CDH12: variants seen among roughly 807,000 people sequenced by gnomAD.
CDH12 encodes the protein cadherin 12, also known as cadherin-12.
In CDH12, 41 loss-of-function variants were observed where a neutral mutation model predicts 74.1. That is an observed-to-expected ratio of 0.55 (90% CI 0.43 to 0.72). CDH12 has a LOEUF of 0.72. Ranked by LOEUF, CDH12 falls within the 30% of genes least tolerant of loss-of-function variation. The pLI, the probability that CDH12 is intolerant of heterozygous loss-of-function variation, is 0.00. For missense variants in CDH12, 945 were observed against 977.2 expected, an observed-to-expected ratio of 0.97 and a Z score of 0.44; for synonymous variants, 399 against 355.0, an observed-to-expected ratio of 1.12 and a Z score of -1.39.
intron 1 of CDH12, among the ~76,000 whole-genome samples, chr5:22,749,458 T>C (rs1745452366): frequency 6.6e-6 from 1 of 152,218 alleles, no homozygotes; most frequent in Non-Finnish European, 1.5e-5. Context: ...AAGTGAATGA[T>C]TTTCATGGAC....
At chr5:22,645,389 T>G (rs1739384985) in intron 1 of CDH12, among the ~76,000 whole-genome samples, 1 of 152,040 alleles carries the variant, frequency 6.6e-6, no homozygotes, top group Admixed American at 6.6e-5. Context: ...AAACTGTAAT[T>G]AGAAGTGAAG....
intron 2 of CDH12, among the ~76,000 whole-genome samples, chr5:22,497,784 A>G (rs1747163503): frequency 6.6e-6 from 1 of 151,472 alleles, no homozygotes; most frequent in African/African-American, 2.4e-5. Context: ...CTGGAATTAC[A>G]GACATGTGCG....
At chr5:22,728,739 T>C (rs1744286091) in intron 1 of CDH12, among the ~76,000 whole-genome samples, 1 of 152,010 alleles carries the variant, frequency 6.6e-6, no homozygotes. Flanking sequence ...GTCTTCTTGC[T>C]GTGTTCTCAC....
At chr5:21,928,442 A>C (rs1436378151) in intron 6 of CDH12, among the ~76,000 whole-genome samples, 1 of 152,210 alleles carries the variant, frequency 6.6e-6, no homozygotes, top group Non-Finnish European at 1.5e-5. Flanking sequence ...AAGAAGATGA[A>C]TGAGAGAGCA....
chr5:22,111,741 G>A (rs1244988349), intron 4 of CDH12, among the ~76,000 whole-genome samples: 1 of 152,136 alleles, frequency 6.6e-6, no homozygotes, highest in Non-Finnish European at 1.5e-5. Flanking sequence ...CTGGCCAAAA[G>A]ATGGCCTACC....
At chr5:22,221,259 A>G (rs1752005653) in intron 3 of CDH12, among the ~76,000 whole-genome samples, 1 of 151,938 alleles carries the variant, frequency 6.6e-6, no homozygotes, top group Non-Finnish European at 1.5e-5. Context: ...AGGAAACAGT[A>G]TTAATAGACA....
chr5:21,772,778 T>A (rs1745392655), intron 11 of CDH12, among the ~76,000 whole-genome samples: 1 of 152,198 alleles, frequency 6.6e-6, no homozygotes, highest in African/African-American at 2.4e-5. Flanking sequence ...AAGAATTTTA[T>A]CTACATGTCT....
chr5:22,214,237 C>G (rs569656989), intron 3 of CDH12, among the ~76,000 whole-genome samples: 1 of 152,258 alleles, frequency 6.6e-6, no homozygotes, highest in East Asian at 1.9e-4. Flanking sequence ...GCAGAAGCCC[C>G]AGGAGATGGG....
chr5:21,830,199 CAAAAAAAAAAAAAAAAA>C (rs1055199877), intron 8 of CDH12, among the ~76,000 whole-genome samples: 3 of 25,234 alleles, frequency 1.2e-4, no homozygotes, highest in Non-Finnish European at 1.5e-4. Flanking sequence ...AACTCCTTCT[CAAAAAAAAAAAAAAAAA>C]AAAAAAAAAA....
intron 3 of CDH12, among the ~76,000 whole-genome samples, chr5:22,239,971 T>C (rs1255718413): frequency 6.6e-6 from 1 of 152,216 alleles, no homozygotes; most frequent in African/African-American, 2.4e-5. Context: ...CGGTACTTCT[T>C]CTTATAATCA....
At chr5:22,448,092 G>T (rs1744899468) in intron 2 of CDH12, among the ~76,000 whole-genome samples, 1 of 149,040 alleles carries the variant, frequency 6.7e-6, no homozygotes, top group Non-Finnish European at 1.5e-5. Context: ...GGCGAAGGTT[G>T]CAGTGAGCTA....
chr5:21,974,650 A>T (rs1171799478), intron 6 of CDH12, among the ~76,000 whole-genome samples: 2 of 152,166 alleles, frequency 1.3e-5, no homozygotes, highest in African/African-American at 4.8e-5. Flanking sequence ...GCTACAAAAG[A>T]TGCATCACAC....
At chr5:21,810,047 A>G (rs1282172838) in intron 9 of CDH12, among the ~76,000 whole-genome samples, 1 of 152,116 alleles carries the variant, frequency 6.6e-6, no homozygotes, top group Non-Finnish European at 1.5e-5. Context: ...GAGAACCACA[A>G]TACCATTGGT....
At chr5:21,836,388 C>G (rs190647832) in intron 8 of CDH12, among the ~76,000 whole-genome samples, 1 of 150,480 alleles carries the variant, frequency 6.6e-6, no homozygotes. Context: ...CGATTATTGA[C>G]GTACTATTTT....
chr5:22,332,615 A>G (rs1739396300), intron 3 of CDH12, among the ~76,000 whole-genome samples: 1 of 152,198 alleles, frequency 6.6e-6, no homozygotes, highest in African/African-American at 2.4e-5. Context: ...AAACATATTT[A>G]AAAGAATAAA....
At chr5:21,867,378 A>C (rs1262443089) in intron 6 of CDH12, among the ~76,000 whole-genome samples, 2 of 152,048 alleles carry the variant, frequency 1.3e-5, no homozygotes, top group Admixed American at 1.3e-4. Context: ...TAAAATAAGA[A>C]TTAAGGCTTG....
intron 14 of CDH12, among the ~76,000 whole-genome samples, chr5:21,752,462 G>T: frequency 6.6e-6 from 1 of 152,092 alleles, no homozygotes; most frequent in Admixed American, 6.6e-5. Flanking sequence ...AAACAAGTAT[G>T]TCTTTATATT....
chr5:21,831,940 A>G (rs1431774102), intron 8 of CDH12, among the ~76,000 whole-genome samples: 4 of 152,082 alleles, frequency 2.6e-5, no homozygotes, highest in Admixed American at 2.0e-4. Context: ...TAAAAAAGTC[A>G]CTTAAAGTGA....
At chr5:22,062,927 G>C (rs1741292420) in intron 5 of CDH12, among the ~76,000 whole-genome samples, 1 of 152,042 alleles carries the variant, frequency 6.6e-6, no homozygotes, top group Admixed American at 6.6e-5. Flanking sequence ...TAAACTGCAT[G>C]ATGAAAACTC....
Sources: allele counts gnomAD v4.1 joint callset (sites outside exome capture counted in the v4.1 genomes callset), GRCh38; gene constraint gnomAD v4.1.1; transcripts MANE v1.5; gene names NCBI Gene and HGNC (gene_info 2026-07-23, HGNC 2026-07-21).